TRRAP: variants seen among roughly 807,000 people sequenced by gnomAD.
TRRAP encodes the protein transformation/transcription domain associated protein.
A neutral mutation model predicts 438.8 loss-of-function variants in TRRAP; 41 were observed. The ratio of observed to expected loss-of-function variants is 0.09; its 90% CI spans 0.07 to 0.12. The LOEUF (loss-of-function observed/expected upper bound fraction) is 0.12, where lower values mean the gene tolerates loss of function less well. TRRAP is among the 10% of genes least tolerant of loss of function. The pLI is 1.00. For missense variants in TRRAP, 3,122 were observed against 5,055.1 expected (o/e 0.62, Z 11.60); for synonymous variants, 1,994 against 1,962.9 (o/e 1.02, Z -0.42).
chr7:98,972,242 T>A (rs1348999508), intron 53 of TRRAP, among the ~76,000 whole-genome samples: 1 of 152,248 alleles, frequency 6.6e-6, no homozygotes, highest in East Asian at 1.9e-4. Flanking sequence ...AGGGTCTTGA[T>A]ATGTTGCTCA....
chr7:98,919,717 C>T (rs1295581769), intron 20 of TRRAP, among the ~76,000 whole-genome samples: 1 of 152,220 alleles, frequency 6.6e-6, no homozygotes, highest in Admixed American at 6.5e-5. Flanking sequence ...ACAAGGCAAA[C>T]CCTGCGGCTG....
rs1554417645 is a variant in TRRAP at position 98,949,469 on chromosome 7, A to G, written c.4841A>G (p.Asn1614Ser). 11 of 1,607,466 alleles carry G rather than the reference A, an allele frequency of 6.8e-6. No homozygotes were observed. In the East Asian group the frequency reaches 8.9e-5, roughly 13 times the overall value. Residue 1614 changes from asparagine to serine, a missense_variant, in exon 36 of 73, where the codon AAC (asparagine) becomes AGC (serine). Physicochemically the swap from Asn to Ser is conservative, Grantham distance 46. Transcript: ENST00000456197. ...CCTCTGCGGGATGTGCTGGCTGCCAACCCCAACAGGTTCATCACCCTGCTG... is the reference window on the plus strand; with the variant it reads ...CCTCTGCGGGATGTGCTGGCTGCCAGCCCCAACAGGTTCATCACCCTGCTG... ...ARPLRDVLAA[N>S]PNRFITLLLP...
chr7:98,967,313 C>A, intron 50 of TRRAP, 151 bp downstream of exon 50: 1 of 1,300,734 alleles, frequency 7.7e-7, no homozygotes, highest in Non-Finnish European at 1.1e-6. Flanking sequence ...ACTTTGGTGT[C>A]ATTAAAGGAC....
At chr7:98,886,383 G>T (rs1211466127) in intron 3 of TRRAP, among the ~76,000 whole-genome samples, 3 of 151,452 alleles carry the variant, frequency 2.0e-5, no homozygotes, top group Non-Finnish European at 2.9e-5. Context: ...TAGATATCTA[G>T]AGAGATAGAG....
At chr7:98,929,929 G>A in intron 23 of TRRAP, 60 bp from the exon 24 acceptor site, 1 of 1,548,684 alleles carries the variant, frequency 6.5e-7, no homozygotes, top group Non-Finnish European at 8.9e-7. Flanking sequence ...AAAACATTGG[G>A]GAGTTCTGCA....
At chr7:98,941,997 G>A (rs553677450) in intron 30 of TRRAP, among the ~76,000 whole-genome samples, 1 of 152,136 alleles carries the variant, frequency 6.6e-6, no homozygotes, top group Non-Finnish European at 1.5e-5. Flanking sequence ...GTAGGACTTC[G>A]GTGTTGTGAA....
Position 98,956,477 on chromosome 7 carries a change from G to A in TRRAP, c.6175G>A (p.Val2059Met), listed in dbSNP as rs376885300. The change falls in exon 43 of 73, where the codon GTG becomes ATG. Residue 2059 changes from valine to methionine, a missense_variant. Physicochemically the swap from Val to Met is conservative, Grantham distance 21 (BLOSUM62 1). This residue lies in a region of TRRAP where 992 missense variants were observed against 1,281.2 expected (regional missense o/e 0.77). Transcript: ENST00000456197. The surrounding 1 kb of genome is among the most constrained non-coding windows in gnomAD (Gnocchi z 4.5). ...ATCCTCCATTAAGAGAGGCCTGTCC[G>A]TGGATTCTGCCCAGGAAGTGAAACG... is the stretch of plus-strand genomic sequence containing the variant. ...VSSSIKRGLS[V>M]DSAQEVKRFR... 50 of 1,614,114 alleles carry A rather than the reference G, an allele frequency of 3.1e-5. No individual in the cohort carries two copies. The highest frequency in any genetic ancestry group is 2.5e-4 in the African/African-American group (19 of 74,948).
intron 2 of TRRAP, among the ~76,000 whole-genome samples, 178 bp downstream of exon 2, chr7:98,881,428 CA>C (rs1340158810): frequency 3.3e-5 from 5 of 152,010 alleles, no homozygotes; most frequent in Non-Finnish European, 7.4e-5. Context: ...AAAAATTAGC[CA>C]GGTGTGGTGG....
In TRRAP at chr7:98,970,179, C is replaced by G; in HGVS notation, c.7580C>G (p.Ser2527Cys). ...GTSCQGAMLPSITNVINLADS... is the reference protein window; with the variant it reads ...GTSCQGAMLPCITNVINLADS... ...AGCTGCCAAGGAGCCATGCTCCCGT[C>G]CATCACCAACGTCATCAACCTGGCC... Residue 2527 changes from serine to cysteine, a missense_variant, in exon 52 of 73, where the codon TCC becomes TGC. This residue lies in a region of TRRAP where 992 missense variants were observed against 1,281.2 expected (regional missense o/e 0.77). Coordinates refer to ENST00000456197, the MANE Select transcript of TRRAP (RefSeq NM_001375524.1). The G allele has an allele frequency of 6.2e-7, 1 of 1,613,942 alleles. No homozygotes were observed. Among genetic ancestry groups the G allele is most frequent in the Non-Finnish European group, 8.5e-7 (1 of 1,180,030 alleles).
At chr7:98,972,485 A>T (rs1164577862) in intron 53 of TRRAP, among the ~76,000 whole-genome samples, 2 of 152,248 alleles carry the variant, frequency 1.3e-5, no homozygotes. Flanking sequence ...CTAAAAGAGG[A>T]GAAAATGATA....
At position 98,908,969 on chromosome 7, in the gene TRRAP, G is replaced by A; in HGVS notation, c.1350+7G>A. 1 of 1,610,108 alleles carries A rather than the reference G, an allele frequency of 6.2e-7. No individual in the cohort carries two copies. Among genetic ancestry groups the A allele is most frequent in the Non-Finnish European group, 8.5e-7 (1 of 1,177,880 alleles). ...CCTGATGCGGATGCTGGAGGTACCA[G>A]CTCTTCTGAGAGTATCATCCATCCT... On this transcript the variant is annotated splice_region_variant and intron_variant, in intron 14 of 72. Coordinates refer to ENST00000456197, the MANE Select transcript of TRRAP (RefSeq NM_001375524.1). The surrounding 1 kb of genome is among the most constrained non-coding windows in gnomAD (Gnocchi z 4.1).
intron 24 of TRRAP, 135 bp from the exon 25 acceptor site, chr7:98,930,498 A>C (rs1203345603): frequency 1.7e-6 from 2 of 1,200,390 alleles, no homozygotes. Context: ...GAATCACTTG[A>C]ACCTGGGAGA....
intron 10 of TRRAP, 68 bp downstream of exon 10, chr7:98,899,835 A>G (rs1310508926): frequency 3.9e-6 from 6 of 1,540,234 alleles, no homozygotes; most frequent in Admixed American, 1.7e-5. Context: ...TGCTGTTGTC[A>G]TTCTTAAGAC....
In TRRAP at chr7:98,941,460, G is replaced by A. The variant is rs1448582021; in HGVS notation, c.4405-1489G>A. 5.3e-5 allele frequency among the ~76,000 whole-genome samples: 8 copies of A among 152,150 alleles called. 1 individual carries two copies. The highest frequency in any genetic ancestry group is 8.8e-5 in the Non-Finnish European group (6 of 68,032). On this transcript the variant is annotated intron_variant, in intron 30 of 72. Coordinates refer to ENST00000456197, the MANE Select transcript of TRRAP (RefSeq NM_001375524.1). ...GCTGGGATTACAGGAGTGAGCTACC[G>A]CGCCTGGCCATGTGCTTGATTGGCT...
At position 98,930,021 on chromosome 7, in the gene TRRAP, A is replaced by G. The variant is rs55920979; in HGVS notation, c.3208A>G (p.Ser1070Gly). 9 of 1,614,104 alleles carry G rather than the reference A, an allele frequency of 5.6e-6. No individual in the cohort carries two copies. The East Asian group carries it at 1.8e-4, about 32-fold the overall frequency. Residue 1070 changes from serine (S) to glycine (G), a missense_variant, in exon 24 of 73, where the codon AGC (serine) becomes GGC (glycine). By Grantham distance (56) the Ser-to-Gly change is moderately conservative (BLOSUM62 0). Coordinates refer to ENST00000456197, the MANE Select transcript of TRRAP (RefSeq NM_001375524.1). The stretch of plus-strand genomic sequence containing the variant: ...CTTGCTGCCTTGCTACCAGGTGGGC[A>G]GCCAGCCCAGCACAGCCATGTTTCA... ...PFLLPCYQVG[S>G]QPSTAMFHSE...
chr7:98,904,705 C>T (rs910849534), intron 12 of TRRAP, among the ~76,000 whole-genome samples: 4 of 151,952 alleles, frequency 2.6e-5, no homozygotes, highest in Admixed American at 6.6e-5. Context: ...TTTAAAACTC[C>T]GTTTACTAGT....
intron 64 of TRRAP, 23 bp from the exon 65 acceptor site, chr7:98,992,114 T>G: frequency 6.2e-7 from 1 of 1,612,132 alleles, no homozygotes; most frequent in Non-Finnish European, 8.5e-7. Flanking sequence ...CAGCACTGTT[T>G]ATAACATCTT....
rs1584347540 is a variant in TRRAP at position 98,948,152 on chromosome 7, T to C, written c.4549-69T>C. On this transcript the variant is annotated intron_variant, in intron 33 of 72. Coordinates refer to ENST00000456197, the MANE Select transcript of TRRAP (RefSeq NM_001375524.1). The surrounding 1 kb of genome is among the most constrained non-coding windows in gnomAD (Gnocchi z 4.9). ...CATAGTTAGACTATAGTAGGGTCTG[T>C]AGTGACGTTGACCTCTGTCACTTGC... 24 of 1,600,290 alleles carry C rather than the reference T, an allele frequency of 1.5e-5. No homozygotes were observed. The East Asian group carries it at 5.4e-4, about 36-fold the overall frequency.
chr7:98,943,446 AAACC>A (rs1790893453), intron 31 of TRRAP, among the ~76,000 whole-genome samples: 1 of 152,140 alleles, frequency 6.6e-6, no homozygotes, highest in East Asian at 1.9e-4. Flanking sequence ...TTGCCTGATA[AAACC>A]AACTGGTTTT....
Sources: allele counts gnomAD v4.1 joint callset (sites outside exome capture counted in the v4.1 genomes callset), GRCh38; gene constraint gnomAD v4.1.1; regional missense constraint gnomAD v4.1.1; non-coding constraint Gnocchi (gnomAD v3.1); transcripts MANE v1.5; gene names NCBI Gene and HGNC (gene_info 2026-07-23, HGNC 2026-07-21).